The following PHLDB2 variants were observed in gnomAD, a reference collection of about 807,000 sequenced individuals.
PHLDB2 encodes the protein pleckstrin homology like domain family B member 2.
Under a neutral mutation model 123.6 loss-of-function variants are expected in PHLDB2, and 71 were observed. The observed-to-expected ratio is 0.57, with a 90% CI of 0.47 to 0.70. The LOEUF is 0.70. Ranked by LOEUF, PHLDB2 falls within the 30% of genes least tolerant of loss-of-function variation. PHLDB2 has a pLI of 0.00. For missense variants in PHLDB2, 1,446 were observed against 1,519.5 expected, an observed-to-expected ratio of 0.95 and a Z score of 0.80; for synonymous variants, 547 against 541.6, an observed-to-expected ratio of 1.01 and a Z score of -0.14.
chr3:111,859,672 G>A, intron 1 of PHLDB2, 96 bp downstream of exon 1: 2 of 985,406 alleles, frequency 2.0e-6, no homozygotes, highest in African/African-American at 3.5e-5. Flanking sequence ...CCGCGGCCGA[G>A]TTGGTTGCCG....
chr3:111,940,592 G>C lies in PHLDB2; in HGVS notation c.2344G>C (p.Glu782Gln). The change falls in exon 8 of 18, where the codon GAG becomes CAG. Residue 782 changes from glutamate to glutamine, a missense_variant. Physicochemically the swap from Glu to Gln is conservative, Grantham distance 29. Around this residue, in one of 3 missense-constraint regions of PHLDB2, gnomAD observed 594 missense variants for 646.0 expected, o/e 0.92. Transcript: ENST00000431670. ...TCACATTGTTCAGCAGGCTCAGAGA[G>C]AGCAAGATCATTTTGTGAAAGAAAA... ...ANHIVQQAQR[E>Q]QDHFVKEKNN... is the part of the protein sequence containing the mutation. The C allele has an allele frequency of 5.0e-6, 8 of 1,605,190 alleles. No individual in the cohort carries two copies. Among genetic ancestry groups the C allele is most frequent in the Non-Finnish European group, 6.8e-6 (8 of 1,176,314 alleles).
At chr3:111,891,130 G>C (rs1317541289) in intron 2 of PHLDB2, among the ~76,000 whole-genome samples, 1 of 152,122 alleles carries the variant, frequency 6.6e-6, no homozygotes, top group Admixed American at 6.5e-5. Context: ...GACATTAATG[G>C]ATAAGGTGTT....
At chr3:111,967,558 T>TTTC (rs2071858377) in intron 14 of PHLDB2, 120 bp from the exon 15 acceptor site, 2 of 1,062,880 alleles carry the variant, frequency 1.9e-6, no homozygotes, top group Admixed American at 6.0e-5. Flanking sequence ...TTATGTATTA[T>TTTC]AAGAGACTAG....
chr3:111,837,010 G>A (rs1432775273), intron 1 of PHLDB2, among the ~76,000 whole-genome samples: 1 of 152,186 alleles, frequency 6.6e-6, no homozygotes, highest in African/African-American at 2.4e-5. Context: ...TGGATTTAGT[G>A]TCTGTAATAC....
intron 2 of PHLDB2, among the ~76,000 whole-genome samples, chr3:111,848,471 G>C (rs2064108191): frequency 6.6e-6 from 1 of 152,162 alleles, no homozygotes; most frequent in Non-Finnish European, 1.5e-5. Flanking sequence ...ATGCTCAGCA[G>C]GCTAGAGGAG....
At chr3:111,841,738 T>G (rs1280616660) in intron 1 of PHLDB2, among the ~76,000 whole-genome samples, 5 of 152,186 alleles carry the variant, frequency 3.3e-5, no homozygotes, top group African/African-American at 1.2e-4. Flanking sequence ...TATCAATACA[T>G]TTATTCCACA....
intron 1 of PHLDB2, among the ~76,000 whole-genome samples, chr3:111,834,227 TA>T (rs2063269742): frequency 1.0e-5 from 1 of 97,286 alleles, no homozygotes; most frequent in Non-Finnish European, 1.8e-5. Context: ...ATTATATATA[TA>T]TTATGTATAT....
At chr3:111,879,679 T>C (rs1380511784) in intron 1 of PHLDB2, among the ~76,000 whole-genome samples, 1 of 152,002 alleles carries the variant, frequency 6.6e-6, no homozygotes, top group Non-Finnish European at 1.5e-5. Flanking sequence ...TTTTTATTTC[T>C]CTAAAAATGT....
chr3:111,866,234 T>A (rs1177710326), intron 1 of PHLDB2, among the ~76,000 whole-genome samples: 2 of 151,974 alleles, frequency 1.3e-5, no homozygotes, highest in African/African-American at 4.8e-5. Flanking sequence ...GCCAGGGTGG[T>A]CTCAGACTCC....
At chr3:111,761,989 A>C (rs563346448) in intron 1 of PHLDB2, among the ~76,000 whole-genome samples, 2 of 152,190 alleles carry the variant, frequency 1.3e-5, no homozygotes, top group Non-Finnish European at 2.9e-5. Flanking sequence ...TAAAAGGGGC[A>C]CTGCTAAAAG....
intron 2 of PHLDB2, among the ~76,000 whole-genome samples, chr3:111,853,347 T>G (rs979001030): frequency 6.6e-6 from 1 of 152,216 alleles, no homozygotes; most frequent in African/African-American, 2.4e-5. Context: ...ATGACTTTTC[T>G]AAGAAATGAA....
intron 1 of PHLDB2, among the ~76,000 whole-genome samples, chr3:111,748,206 G>A (rs1016617423): frequency 9.2e-5 from 14 of 152,162 alleles, no homozygotes; most frequent in African/African-American, 3.1e-4. Context: ...CATTGGCATT[G>A]TCACCATGAC....
intron 1 of PHLDB2, among the ~76,000 whole-genome samples, chr3:111,783,124 T>C (rs1181534712): frequency 2.0e-5 from 3 of 152,214 alleles, no homozygotes; most frequent in Middle Eastern, 6.8e-3. Flanking sequence ...ACATGACTAT[T>C]TCTAGAAACT....
intron 1 of PHLDB2, among the ~76,000 whole-genome samples, chr3:111,821,866 C>T (rs2062400361): frequency 6.6e-6 from 1 of 152,182 alleles, no homozygotes; most frequent in Non-Finnish European, 1.5e-5. Context: ...TTACTACCTA[C>T]CCAGGAAAAT....
chr3:111,930,432 A>G (rs1026031475), intron 5 of PHLDB2, among the ~76,000 whole-genome samples: 2 of 151,980 alleles, frequency 1.3e-5, no homozygotes, highest in African/African-American at 2.4e-5. Flanking sequence ...ATTACTTTTT[A>G]GCTTTCCATT....
chr3:111,825,746 C>A (rs888049272), intron 1 of PHLDB2, among the ~76,000 whole-genome samples: 1 of 152,204 alleles, frequency 6.6e-6, no homozygotes. Flanking sequence ...CCTCACCATG[C>A]CTGCCCACAC....
intron 1 of PHLDB2, among the ~76,000 whole-genome samples, chr3:111,742,418 G>A (rs951002239): frequency 6.6e-6 from 1 of 151,866 alleles, no homozygotes; most frequent in South Asian, 2.1e-4. Flanking sequence ...CCATTAACTC[G>A]TCATTTACAT....
intron 1 of PHLDB2, among the ~76,000 whole-genome samples, chr3:111,802,123 C>T (rs527811607): frequency 9.2e-5 from 14 of 152,306 alleles, no homozygotes; most frequent in Middle Eastern, 3.4e-3. Flanking sequence ...GATTATGCAT[C>T]TAACATCAAA....
rs1050259357 is a variant in PHLDB2 at position 111,885,751 on chromosome 3, C to G, written c.1335+339C>G. 7 of 604,962 alleles carry G rather than the reference C, an allele frequency of 1.2e-5. No homozygotes were observed. In the African/African-American group the frequency reaches 1.3e-4, roughly 11 times the overall value. 37.5% of individuals were successfully genotyped at this position (604,962 alleles called of 1,614,324 possible). On this transcript the variant is annotated intron_variant, in intron 2 of 17. Transcript: ENST00000431670. ...TTCTCTTTAAGACTATGAGGAAATG[C>G]TGACTTGTATTATTTATATCATTAA...
Sources: gnomAD v4.1 joint callset for allele counts (sites outside exome capture counted in the v4.1 genomes callset) on GRCh38, gnomAD v4.1.1 for gene constraint, gnomAD v4.1.1 regional missense constraint, MANE v1.5 for transcripts, NCBI Gene and HGNC (gene_info 2026-07-23, HGNC 2026-07-21) for gene names.